Variants in LRRTM4 observed in about 807,000 individuals in gnomAD.
LRRTM4 encodes leucine-rich repeat transmembrane neuronal protein 4.
A neutral mutation model predicts 47.6 loss-of-function variants in LRRTM4; 25 were observed. That is an observed-to-expected ratio of 0.53 (90% CI 0.38 to 0.73). LRRTM4 has a LOEUF of 0.73. Ranked by LOEUF, LRRTM4 falls within the 30% of genes least tolerant of loss-of-function variation. The probability of loss-of-function intolerance (pLI) is 0.00; values close to 1 mark genes in which losing one functional copy is unlikely to be tolerated. For missense variants in LRRTM4, 638 were observed against 713.4 expected (o/e 0.89, Z 1.20); for synonymous variants, 311 against 269.5 (o/e 1.15, Z -1.51).
chr2:77,147,203 T>C (rs1672281511), intron 3 of LRRTM4, among the ~76,000 whole-genome samples: 1 of 152,158 alleles, frequency 6.6e-6, no homozygotes, highest in Non-Finnish European at 1.5e-5. Context: ...CTGCAGTTCA[T>C]TGCTAATACA....
intron 3 of LRRTM4, among the ~76,000 whole-genome samples, chr2:77,299,936 C>G (rs1041272838): frequency 1.3e-5 from 2 of 149,966 alleles, no homozygotes; most frequent in African/African-American, 4.9e-5. Flanking sequence ...ACTGCAACCT[C>G]CGCCTCCCAG....
chr2:76,851,173 T>C lies in LRRTM4; in HGVS notation c.1552-102257A>G, dbSNP rs1262352619. Among the ~76,000 whole-genome samples, 3 of 152,154 alleles carry C rather than the reference T, an allele frequency of 2.0e-5. No individual in the cohort carries two copies. The East Asian group carries it at 5.8e-4, about 29-fold the overall frequency. On this transcript the variant is annotated intron_variant, in intron 3 of 3. Transcript: ENST00000409884. ...GTGCAGCTGTAAATTTCAGGTGATT[T>C]ACAGAGTGGGAAGCACACCAAATCT...
intron 3 of LRRTM4, among the ~76,000 whole-genome samples, chr2:77,434,687 A>C (rs1352897636): frequency 6.6e-6 from 1 of 152,182 alleles, no homozygotes; most frequent in African/African-American, 2.4e-5. Flanking sequence ...GCATTATTTT[A>C]TCTTCTAAAC....
At chr2:77,398,339 A>G in intron 3 of LRRTM4, among the ~76,000 whole-genome samples, 1 of 152,080 alleles carries the variant, frequency 6.6e-6, no homozygotes, top group South Asian at 2.1e-4. Flanking sequence ...TTAGGATTTC[A>G]GAATATTTTG....
chr2:77,310,768 C>T (rs544067483), intron 3 of LRRTM4, among the ~76,000 whole-genome samples: 20 of 152,286 alleles, frequency 1.3e-4, no homozygotes, highest in Non-Finnish European at 1.9e-4. Context: ...AATACCTGTA[C>T]AGACTACCAT....
At chr2:77,065,246 G>C (rs920770475) in intron 3 of LRRTM4, among the ~76,000 whole-genome samples, 1 of 152,016 alleles carries the variant, frequency 6.6e-6, no homozygotes, top group Non-Finnish European at 1.5e-5. Flanking sequence ...ACTCAAATTT[G>C]CTGGACTCTT....
At chr2:77,437,623 A>G (rs1675654693) in intron 3 of LRRTM4, among the ~76,000 whole-genome samples, 1 of 152,172 alleles carries the variant, frequency 6.6e-6, no homozygotes, top group Non-Finnish European at 1.5e-5. Flanking sequence ...CAAAAGTTAT[A>G]AAGTGATTAA....
intron 3 of LRRTM4, among the ~76,000 whole-genome samples, chr2:76,932,685 T>G (rs4852422): frequency 0.28 from 42,329 of 151,584 alleles, 8,046 homozygotes; most frequent in African/African-American, 0.55. Flanking sequence ...TTTGTATATA[T>G]ATGACATGTT....
intron 3 of LRRTM4, among the ~76,000 whole-genome samples, chr2:77,177,365 A>G (rs1331847859): frequency 6.6e-6 from 1 of 152,154 alleles, no homozygotes; most frequent in Admixed American, 6.5e-5. Flanking sequence ...CATGTCTCTT[A>G]GAATGTGTCT....
intron 3 of LRRTM4, among the ~76,000 whole-genome samples, chr2:77,131,080 C>T (rs376345456): frequency 1.5e-3 from 227 of 151,536 alleles, no homozygotes; most frequent in African/African-American, 4.7e-3. Context: ...GTGATCCGCC[C>T]GCCTCGGCCT....
At chr2:76,870,517 A>G (rs1672592824) in intron 3 of LRRTM4, among the ~76,000 whole-genome samples, 1 of 152,106 alleles carries the variant, frequency 6.6e-6, no homozygotes, top group Non-Finnish European at 1.5e-5. Context: ...GCAATATGTC[A>G]AGCTTAGGTA....
chr2:77,452,233 TAAGTTATTGCA>T (rs1209635489), intron 3 of LRRTM4, among the ~76,000 whole-genome samples: 1 of 152,158 alleles, frequency 6.6e-6, no homozygotes, highest in Non-Finnish European at 1.5e-5. Context: ...AACAGTTTAT[TAAGTTATTGCA>T]GTGGACTACG....
chr2:77,471,506 G>A lies in LRRTM4; in HGVS notation c.1551+46812C>T, dbSNP rs372621199. On this transcript the variant is annotated intron_variant, in intron 3 of 3. Coordinates refer to ENST00000409884, the MANE Select transcript of LRRTM4 (RefSeq NM_001134745.3). ...TTCTCACACCCTTCCCCACTTGACT[G>A]GTTGGCCATTACCTTCTTAATGCCT... Among the ~76,000 whole-genome samples the A allele has an allele frequency of 3.3e-5, 5 of 152,014 alleles. No homozygotes were observed. In the East Asian group the frequency reaches 9.7e-4, roughly 29 times the overall value.
At chr2:77,070,049 T>TTA (rs575762096) in intron 3 of LRRTM4, among the ~76,000 whole-genome samples, 246 of 146,818 alleles carry the variant, frequency 1.7e-3, no homozygotes, top group Middle Eastern at 3.5e-3. Flanking sequence ...ACAGATCAGA[T>TTA]TATATATATA....
At chr2:76,801,130 A>C (rs1281331116) in intron 3 of LRRTM4, among the ~76,000 whole-genome samples, 1 of 152,094 alleles carries the variant, frequency 6.6e-6, no homozygotes, top group Non-Finnish European at 1.5e-5. Context: ...CTGGAACTGG[A>C]AATACCATTT....
At chr2:77,515,352 T>C (rs540466272) in intron 3 of LRRTM4, among the ~76,000 whole-genome samples, 1 of 151,986 alleles carries the variant, frequency 6.6e-6, no homozygotes, top group Admixed American at 6.6e-5. Flanking sequence ...GCTATATTTG[T>C]GTGGAGGCTC....
chr2:76,910,409 G>A (rs1674010034), intron 3 of LRRTM4, among the ~76,000 whole-genome samples: 1 of 152,014 alleles, frequency 6.6e-6, no homozygotes, highest in Admixed American at 6.6e-5. Context: ...TGACGAGTTA[G>A]TGGGTGCAGA....
chr2:77,144,394 G>C (rs895564075), intron 3 of LRRTM4, among the ~76,000 whole-genome samples: 1 of 151,916 alleles, frequency 6.6e-6, no homozygotes, highest in Admixed American at 6.6e-5. Flanking sequence ...CACTGACTCA[G>C]GGCATAACAA....
intron 3 of LRRTM4, among the ~76,000 whole-genome samples, chr2:77,423,590 A>G (rs1674988091): frequency 6.6e-6 from 1 of 152,162 alleles, no homozygotes; most frequent in Non-Finnish European, 1.5e-5. Flanking sequence ...ACCAATGGTC[A>G]TGATTGGTTG....
Sources: gnomAD v4.1 joint callset for allele counts (sites outside exome capture counted in the v4.1 genomes callset) on GRCh38, gnomAD v4.1.1 for gene constraint, MANE v1.5 for transcripts, NCBI Gene and HGNC (gene_info 2026-07-23, HGNC 2026-07-21) for gene names.